ANKRD30B: variants seen among roughly 807,000 people sequenced by gnomAD.
ANKRD30B encodes the protein ankyrin repeat domain-containing protein 30B.
A neutral mutation model predicts 202.2 loss-of-function variants in ANKRD30B; 144 were observed. The ratio of observed to expected loss-of-function variants is 0.71; its 90% CI spans 0.62 to 0.82. ANKRD30B has a LOEUF of 0.82. Ranked by LOEUF, ANKRD30B falls within the 40% of genes least tolerant of loss-of-function variation. The pLI is 0.00. For synonymous variants in ANKRD30B, 508 were observed against 561.3 expected (o/e 0.91, Z 1.34); for missense variants, 1,487 against 1,669.1 (o/e 0.89, Z 1.90).
rs189687340 is a variant in ANKRD30B, at chr18:14,757,465, C to T, written c.618-350C>T. Among the ~76,000 whole-genome samples, 205 of 152,294 alleles carry T rather than the reference C, an allele frequency of 1.3e-3. 1 individual carries two copies. The highest frequency in any genetic ancestry group is 6.8e-3 in the Middle Eastern group (2 of 294). On this transcript the variant is annotated intron_variant, in intron 4 of 43. Coordinates refer to ENST00000690538, the MANE Select transcript of ANKRD30B (RefSeq NM_001367607.2). ...AATATTGTTTTAAGCCTTCAGATTG[C>T]TCTCTCTTGTCTGACTTCTAGCTGA...
At chr18:14,824,830 A>G (rs1027951558) in intron 32 of ANKRD30B, among the ~76,000 whole-genome samples, 1 of 152,170 alleles carries the variant, frequency 6.6e-6, no homozygotes, top group Non-Finnish European at 1.5e-5. Flanking sequence ...CAGCTTTTCA[A>G]CTCTACCATT....
chr18:14,841,678 G>A (rs1971424924), intron 37 of ANKRD30B, among the ~76,000 whole-genome samples: 1 of 152,158 alleles, frequency 6.6e-6, no homozygotes, highest in Non-Finnish European at 1.5e-5. Flanking sequence ...AAGGAAGAGG[G>A]ATTGTGAGGC....
intron 15 of ANKRD30B, 65 bp from the exon 16 acceptor site, chr18:14,791,336 A>ATTT (rs1277147305): frequency 6.6e-6 from 9 of 1,373,724 alleles, no homozygotes; most frequent in Non-Finnish European, 9.1e-6. Flanking sequence ...TAGTTAGAAA[A>ATTT]TTTTGATACT....
intron 9 of ANKRD30B, among the ~76,000 whole-genome samples, chr18:14,773,135 T>C (rs1250224509): frequency 2.0e-5 from 3 of 152,210 alleles, no homozygotes; most frequent in Non-Finnish European, 2.9e-5. Context: ...AGACTCTGAA[T>C]AAGCATATAG....
downstream of ANKRD30B, among the ~76,000 whole-genome samples, chr18:14,859,028 C>T (rs1359066946): frequency 6.0e-4 from 64 of 106,452 alleles, no homozygotes; most frequent in East Asian, 5.0e-4. Context: ...CCAGACTGGG[C>T]GGCCAGGCAG....
chr18:14,884,312 G>A, the ANKRD30B span, among the ~76,000 whole-genome samples: 1 of 151,592 alleles, frequency 6.6e-6, no homozygotes, highest in African/African-American at 2.4e-5. Flanking sequence ...ATCCCTTTCT[G>A]AGTTGAATAT....
chr18:14,757,753 A>G, intron 4 of ANKRD30B, 62 bp from the exon 5 acceptor site: 1 of 1,545,368 alleles, frequency 6.5e-7, no homozygotes, highest in Non-Finnish European at 8.8e-7. Context: ...GGTTAATTCT[A>G]CACTGATAGG....
the ANKRD30B span, among the ~76,000 whole-genome samples, chr18:14,939,728 T>C: frequency 1.2e-4 from 19 of 152,308 alleles, no homozygotes; most frequent in African/African-American, 4.6e-4. Context: ...CACAAAATTG[T>C]CAGTGATCAA....
the ANKRD30B span, among the ~76,000 whole-genome samples, chr18:14,887,318 A>G: frequency 6.6e-6 from 1 of 152,138 alleles, no homozygotes; most frequent in East Asian, 1.9e-4. Context: ...AACAACTTTC[A>G]GTGTTGCCAC....
At chr18:14,785,708 C>A (rs1268433361) in intron 14 of ANKRD30B, among the ~76,000 whole-genome samples, 1 of 152,134 alleles carries the variant, frequency 6.6e-6, no homozygotes, top group Admixed American at 6.5e-5. Context: ...AAAGTATGAT[C>A]TGAGTTTCTT....
intron 41 of ANKRD30B, among the ~76,000 whole-genome samples, 157 bp from the exon 42 acceptor site, chr18:14,851,352 A>G (rs1226367914): frequency 6.6e-6 from 1 of 151,144 alleles, no homozygotes; most frequent in Middle Eastern, 3.4e-3. Flanking sequence ...TTTATGCTCT[A>G]TAGTATTTGA....
intron 7 of ANKRD30B, among the ~76,000 whole-genome samples, chr18:14,767,867 T>G (rs1598589145): frequency 1.3e-5 from 2 of 152,360 alleles, no homozygotes; most frequent in African/African-American, 4.8e-5. Flanking sequence ...TGGACTATGG[T>G]TGACCATGAA....
At chr18:14,786,422 C>T (rs1319736775) in intron 14 of ANKRD30B, among the ~76,000 whole-genome samples, 4 of 152,088 alleles carry the variant, frequency 2.6e-5, no homozygotes, top group Non-Finnish European at 4.4e-5. Flanking sequence ...AGCAGTGTGT[C>T]GTTGTAATTA....
chr18:14,791,637 G>T, intron 16 of ANKRD30B, 146 bp downstream of exon 16: 1 of 626,642 alleles, frequency 1.6e-6, no homozygotes, highest in Non-Finnish European at 2.7e-6. Context: ...TAAGTTATAC[G>T]TCTTATCAGG....
At chr18:14,901,181 C>G in the ANKRD30B span, among the ~76,000 whole-genome samples, 1 of 152,144 alleles carries the variant, frequency 6.6e-6, no homozygotes, top group Non-Finnish European at 1.5e-5. Flanking sequence ...TGTCTTTAAC[C>G]ATGGCTATTC....
chr18:14,804,708 A>G (rs1434193757), intron 24 of ANKRD30B, among the ~76,000 whole-genome samples: 1 of 150,670 alleles, frequency 6.6e-6, no homozygotes, highest in African/African-American at 2.5e-5. Flanking sequence ...GTTAGGGGAG[A>G]AGAAGAAAGG....
chr18:14,854,940 G>A (rs1363678241), downstream of ANKRD30B, among the ~76,000 whole-genome samples: 1 of 150,802 alleles, frequency 6.6e-6, no homozygotes, highest in East Asian at 2.0e-4. Flanking sequence ...ATCATTCTTG[G>A]GTGTTTCTTG....
At chr18:14,916,800 A>G in the ANKRD30B span, among the ~76,000 whole-genome samples, 1 of 152,228 alleles carries the variant, frequency 6.6e-6, no homozygotes, top group Admixed American at 6.5e-5. Context: ...CCTGGGTGTT[A>G]CTTGACCCTG....
At chr18:14,849,720 C>T (rs1407394090) in intron 40 of ANKRD30B, among the ~76,000 whole-genome samples, 2 of 151,580 alleles carry the variant, frequency 1.3e-5, no homozygotes, top group South Asian at 4.2e-4. Context: ...ACATATTAGA[C>T]TCTTTAATCT....
Sources: allele counts gnomAD v4.1 joint callset (sites outside exome capture counted in the v4.1 genomes callset), GRCh38; gene constraint gnomAD v4.1.1; transcripts MANE v1.5; gene names NCBI Gene and HGNC (gene_info 2026-07-23, HGNC 2026-07-21).